Variants in SH3RF2 observed in about 807,000 individuals in gnomAD.
SH3RF2 encodes E3 ubiquitin-protein ligase SH3RF2.
A neutral mutation model predicts 59.0 loss-of-function variants in SH3RF2; 43 were observed. The observed-to-expected ratio is 0.73, with a 90% CI of 0.57 to 0.94. The LOEUF is 0.94. Among genes scored for constraint, SH3RF2 ranks in the 40% least tolerant of loss-of-function variants. The probability of loss-of-function intolerance (pLI) is 0.00; values close to 1 mark genes in which losing one functional copy is unlikely to be tolerated. For missense variants in SH3RF2, 930 were observed against 940.1 expected, an observed-to-expected ratio of 0.99 and a Z score of 0.14; for synonymous variants, 391 against 391.5, an observed-to-expected ratio of 1.00 and a Z score of 0.01.
intron 5 of SH3RF2, among the ~76,000 whole-genome samples, chr5:146,037,047 G>A (rs1761960057): frequency 1.3e-5 from 2 of 152,178 alleles, no homozygotes; most frequent in Admixed American, 1.3e-4. Flanking sequence ...GTCCAACTGA[G>A]GAAGTCCTAC....
In SH3RF2 at chr5:146,031,545, C is replaced by T. The variant is rs757707543; in HGVS notation, c.1060-16227C>T. On this transcript the variant is annotated intron_variant, in intron 5 of 9. Transcript: ENST00000359120. Reference sequence around the variant, plus strand: ...AAGAAATAAGTATGTAAGTGAATGACGGAGGGAGGGATCAACAGGGTGGGT... The same window carrying T: ...AAGAAATAAGTATGTAAGTGAATGATGGAGGGAGGGATCAACAGGGTGGGT... Among the ~76,000 whole-genome samples the T allele has an allele frequency of 3.9e-5, 6 of 152,210 alleles. No homozygotes were observed. In the South Asian group the frequency reaches 6.2e-4, roughly 16 times the overall value.
chr5:145,980,506 G>C (rs1580806842), intron 2 of SH3RF2, among the ~76,000 whole-genome samples: 1 of 152,206 alleles, frequency 6.6e-6, no homozygotes, highest in East Asian at 1.9e-4. Flanking sequence ...ACAACAGAAG[G>C]ATACTTAGGC....
At chr5:145,975,114 C>T (rs1249283802) in intron 2 of SH3RF2, among the ~76,000 whole-genome samples, 1 of 152,192 alleles carries the variant, frequency 6.6e-6, no homozygotes, top group African/African-American at 2.4e-5. Context: ...TTCTGCCAAG[C>T]TTCTGTGGGA....
At chr5:146,067,541 T>C (rs1320594980), downstream of SH3RF2, among the ~76,000 whole-genome samples, 1 of 152,190 alleles carries the variant, frequency 6.6e-6, no homozygotes, top group Non-Finnish European at 1.5e-5. Context: ...GCCTGGGCCC[T>C]AGAGAGTCTC....
At chr5:145,985,019 G>T (rs1759648596) in intron 2 of SH3RF2, among the ~76,000 whole-genome samples, 1 of 152,140 alleles carries the variant, frequency 6.6e-6, no homozygotes, top group African/African-American at 2.4e-5. Context: ...AGCTGAGCAT[G>T]GTGGCACATG....
At chr5:146,033,758 CT>C (rs1761829322) in intron 5 of SH3RF2, among the ~76,000 whole-genome samples, 1 of 152,190 alleles carries the variant, frequency 6.6e-6, no homozygotes, top group Non-Finnish European at 1.5e-5. Context: ...GCGTGAGCCA[CT>C]GCACCTGGCC....
chr5:146,049,352 C>G (rs367606458), intron 7 of SH3RF2, 107 bp downstream of exon 7: 2 of 1,312,050 alleles, frequency 1.5e-6, no homozygotes, highest in Non-Finnish European at 2.1e-6. Flanking sequence ...GAAAACAGGC[C>G]AAGAAAGCGC....
chr5:146,036,861 C>T (rs1761953168), intron 5 of SH3RF2, among the ~76,000 whole-genome samples: 1 of 152,184 alleles, frequency 6.6e-6, no homozygotes, highest in Admixed American at 6.5e-5. Flanking sequence ...GGGATGGAAG[C>T]CTCAGGATCC....
intron 5 of SH3RF2, among the ~76,000 whole-genome samples, chr5:146,044,808 C>T (rs867978219): frequency 6.6e-6 from 1 of 152,102 alleles, no homozygotes. Context: ...TCCTCCAGGA[C>T]ACTTTAAAAC....
At chr5:146,018,456 C>T (rs1486177621) in intron 5 of SH3RF2, among the ~76,000 whole-genome samples, 2 of 151,836 alleles carry the variant, frequency 1.3e-5, no homozygotes, top group Non-Finnish European at 2.9e-5. Context: ...AGTAGTATTC[C>T]ATGGTATATA....
Position 146,049,208 on chromosome 5 carries a change from G to T in SH3RF2, c.1285G>T (p.Gly429Cys), listed in dbSNP as rs770284250. 1 of 1,613,494 alleles carries T rather than the reference G, an allele frequency of 6.2e-7. No homozygotes were observed. Among genetic ancestry groups the T allele is most frequent in the Non-Finnish European group, 8.5e-7 (1 of 1,179,736 alleles). ...CGTCTCCTTGGTCACCGGGCGAGTC[G>T]GCATCTTCCCAAACAATTACGTCAT... ...RGVSLVTGRVGIFPNNYVIPI... is the reference protein window; with the variant it reads ...RGVSLVTGRVCIFPNNYVIPI... Residue 429 changes from glycine to cysteine, a missense_variant, in exon 7 of 10, where the codon GGC becomes TGC. Gly to Cys is a radical substitution (Grantham distance 159, BLOSUM62 -3). Coordinates refer to ENST00000359120, the MANE Select transcript of SH3RF2 (RefSeq NM_152550.4).
rs187443948 is a variant in SH3RF2, at chr5:145,944,241, T to C, written c.378+5935T>C. Among the ~76,000 whole-genome samples the C allele has an allele frequency of 2.1e-3, 314 of 152,274 alleles. 1 individual carries two copies. Among genetic ancestry groups the C allele is most frequent in the African/African-American group, 7.2e-3 (301 of 41,552 alleles). On this transcript the variant is annotated intron_variant, in intron 2 of 9. Coordinates refer to ENST00000359120, the MANE Select transcript of SH3RF2 (RefSeq NM_152550.4). Reference sequence around the variant, plus strand: ...TGGGATGCTCAACTAGTATGTATTCTGCAAATATTCCAAAATCCAAAAAAA... The same window carrying C: ...TGGGATGCTCAACTAGTATGTATTCCGCAAATATTCCAAAATCCAAAAAAA...
At chr5:146,073,107 C>T (rs1763271285) in intron 9 of SH3RF2, among the ~76,000 whole-genome samples, 1 of 152,234 alleles carries the variant, frequency 6.6e-6, no homozygotes, top group Non-Finnish European at 1.5e-5. Context: ...ATGGGGCCAG[C>T]TCTGAAGGAC....
At chr5:146,063,909 T>G (rs985323302), downstream of SH3RF2, among the ~76,000 whole-genome samples, 29 of 152,050 alleles carry the variant, frequency 1.9e-4, no homozygotes, top group African/African-American at 7.0e-4. Flanking sequence ...AAAACAACTT[T>G]ATATGGGGTT....
At chr5:145,945,187 T>TA (rs1176437184) in intron 2 of SH3RF2, among the ~76,000 whole-genome samples, 1 of 152,236 alleles carries the variant, frequency 6.6e-6, no homozygotes, top group Admixed American at 6.5e-5. Flanking sequence ...ATGCTCACTG[T>TA]AGGATGCATC....
intron 5 of SH3RF2, among the ~76,000 whole-genome samples, chr5:146,022,876 C>A (rs1475599414): frequency 0.095 from 132 of 1,390 alleles, 1 homozygote; most frequent in Admixed American, 0.11. Flanking sequence ...TCCATCTAAA[C>A]ACACACACAC....
chr5:146,060,287 G>T, intron 9 of SH3RF2, 63 bp downstream of exon 9: 1 of 1,429,406 alleles, frequency 7.0e-7, no homozygotes, highest in Non-Finnish European at 9.4e-7. Flanking sequence ...TAGTGTCTCA[G>T]CTCAGAGATT....
intron 2 of SH3RF2, among the ~76,000 whole-genome samples, chr5:145,952,887 C>T (rs1758247350): frequency 6.6e-6 from 1 of 152,022 alleles, no homozygotes; most frequent in South Asian, 2.1e-4. Flanking sequence ...AGTATAAAAC[C>T]CAGACCTTAG....
In SH3RF2 at chr5:146,057,136, T is replaced by C. The variant is rs145457647; in HGVS notation, c.1555+923T>C. On this transcript the variant is annotated intron_variant, in intron 8 of 9. Transcript: ENST00000359120. ...TGTGATCTTAACAGATGAATTAACA[T>C]GAAAACGCAATAGGATTGGTCAATA... Among the ~76,000 whole-genome samples the C allele has an allele frequency of 6.8e-3, 1,040 of 152,322 alleles. 15 individuals carry two copies. Among genetic ancestry groups the C allele is most frequent in the African/African-American group, 0.024 (1,011 of 41,574 alleles).
Sources: gnomAD v4.1 joint callset for allele counts (sites outside exome capture counted in the v4.1 genomes callset) on GRCh38, gnomAD v4.1.1 for gene constraint, MANE v1.5 for transcripts, NCBI Gene and HGNC (gene_info 2026-07-23, HGNC 2026-07-21) for gene names.